CCDC141: variants seen among roughly 807,000 people sequenced by gnomAD.
CCDC141 encodes coiled-coil domain-containing protein 141.
In CCDC141, 168 loss-of-function variants were observed where a neutral mutation model predicts 181.0. The ratio of observed to expected loss-of-function variants is 0.93; its 90% confidence interval spans 0.82 to 1.05. The LOEUF (loss-of-function observed/expected upper bound fraction) is 1.05, where lower values mean the gene tolerates loss of function less well. Among genes scored for constraint, CCDC141 ranks in the 50% least tolerant of loss-of-function variants. CCDC141 has a pLI of 0.00. For synonymous variants in CCDC141, 666 were observed against 642.3 expected, an observed-to-expected ratio of 1.04 and a Z score of -0.56; for missense variants, 1,902 against 1,788.5, an observed-to-expected ratio of 1.06 and a Z score of -1.14.
chr2:179,039,080 T>A (rs2043223188), intron 2 of CCDC141, among the ~76,000 whole-genome samples: 1 of 152,214 alleles, frequency 6.6e-6, no homozygotes, highest in African/African-American at 2.4e-5. Context: ...TTCTTTTTCA[T>A]TATAAATGAC....
chr2:178,941,583 A>G (rs970649567), intron 6 of CCDC141, among the ~76,000 whole-genome samples: 3 of 152,118 alleles, frequency 2.0e-5, no homozygotes, highest in African/African-American at 7.2e-5. Flanking sequence ...TGGAAGGAAA[A>G]TCTTACATTG....
intron 17 of CCDC141, among the ~76,000 whole-genome samples, chr2:178,860,985 A>G (rs1170665099): frequency 6.6e-6 from 1 of 152,230 alleles, no homozygotes; most frequent in Non-Finnish European, 1.5e-5. Flanking sequence ...GTTAAACACC[A>G]AAATGTTAAC....
chr2:178,972,058 G>T (rs1349347225), intron 4 of CCDC141, among the ~76,000 whole-genome samples: 2 of 151,052 alleles, frequency 1.3e-5, no homozygotes, highest in East Asian at 3.9e-4. Context: ...ATGTACCCCA[G>T]AACTTAAAAT....
chr2:178,912,719 A>C (rs192701812), intron 7 of CCDC141, among the ~76,000 whole-genome samples: 41 of 152,296 alleles, frequency 2.7e-4, no homozygotes, highest in Admixed American at 2.3e-3. Flanking sequence ...TTCAGCATAA[A>C]ATAGAAACTC....
At chr2:178,884,033 A>G (rs769211423) in intron 11 of CCDC141, among the ~76,000 whole-genome samples, 16 of 152,172 alleles carry the variant, frequency 1.1e-4, no homozygotes, top group Non-Finnish European at 2.1e-4. Context: ...AAAAAGATCC[A>G]TGGTTTAGAA....
At chr2:178,915,083 G>A (rs1688382712) in intron 7 of CCDC141, among the ~76,000 whole-genome samples, 1 of 151,988 alleles carries the variant, frequency 6.6e-6, no homozygotes, top group South Asian at 2.1e-4. Flanking sequence ...TGAGGTGAGA[G>A]GATTACCTGA....
intron 2 of CCDC141, among the ~76,000 whole-genome samples, chr2:178,988,495 A>T (rs1691869791): frequency 6.7e-6 from 1 of 149,806 alleles, no homozygotes; most frequent in Non-Finnish European, 1.5e-5. Context: ...ATAAAAAAAA[A>T]GAAATTGAAG....
rs147696117 is a variant in CCDC141, at chr2:179,003,307, T to C, written c.226-24632A>G. Among the ~76,000 whole-genome samples, 5 of 152,312 alleles carry C rather than the reference T, an allele frequency of 3.3e-5. No homozygotes were observed. In the East Asian group the frequency reaches 9.6e-4, roughly 29 times the overall value. On this transcript the variant is annotated intron_variant, in intron 2 of 23. Coordinates refer to ENST00000443758, the MANE Select transcript of CCDC141 (RefSeq NM_173648.4). ...TGGCCACATTGTGAAATAAACCTCC[T>C]GTCAAAGCATGGCATGCAGCGTAAC...
chr2:178,917,988 C>T (rs1423988123), intron 7 of CCDC141, among the ~76,000 whole-genome samples: 1 of 152,140 alleles, frequency 6.6e-6, no homozygotes, highest in Non-Finnish European at 1.5e-5. Flanking sequence ...TAAAAGGAGG[C>T]CTTCGGTAAA....
chr2:179,030,696 C>T (rs190240211), intron 2 of CCDC141, among the ~76,000 whole-genome samples: 2 of 152,082 alleles, frequency 1.3e-5, no homozygotes, highest in African/African-American at 2.4e-5. Flanking sequence ...ATAGTTACTA[C>T]ATACATATAC....
intron 5 of CCDC141, among the ~76,000 whole-genome samples, chr2:178,950,913 C>T (rs1333268829): frequency 1.3e-5 from 2 of 152,104 alleles, no homozygotes; most frequent in South Asian, 2.1e-4. Context: ...TTTCTCTTCT[C>T]ACGTCTATAT....
Position 179,047,322 on chromosome 2 carries a change from G to C in CCDC141, c.187C>G (p.Leu63Val). Residue 63 changes from leucine to valine, a missense_variant, in exon 2 of 24, where the codon CTT (leucine) becomes GTT (valine). Transcript: ENST00000443758. ...IGSSQDETKK[L>V]LHDHELLLAK... ...AAAAGAAGTTCATGATCATGAAGAAGTTTTTTGGTTTCATCTTGACTGCTG... is the reference window on the plus strand; with the variant it reads ...AAAAGAAGTTCATGATCATGAAGAACTTTTTTGGTTTCATCTTGACTGCTG... The C allele has an allele frequency of 1.3e-6, 2 of 1,543,790 alleles. No individual in the cohort carries two copies. The highest frequency in any genetic ancestry group is 1.7e-6 in the Non-Finnish European group (2 of 1,145,250).
intron 2 of CCDC141, among the ~76,000 whole-genome samples, chr2:179,024,156 C>G (rs1045503325): frequency 6.6e-6 from 1 of 152,206 alleles, no homozygotes; most frequent in Non-Finnish European, 1.5e-5. Flanking sequence ...GAAAAACTAA[C>G]AGCATTAATT....
At chr2:178,955,888 A>T (rs1690142778) in intron 5 of CCDC141, among the ~76,000 whole-genome samples, 1 of 152,220 alleles carries the variant, frequency 6.6e-6, no homozygotes, top group Non-Finnish European at 1.5e-5. Flanking sequence ...ATTTTATCAC[A>T]TCCTGTGAAC....
intron 2 of CCDC141, among the ~76,000 whole-genome samples, chr2:178,986,605 C>T (rs1335838767): frequency 6.6e-6 from 1 of 151,136 alleles, no homozygotes; most frequent in African/African-American, 2.4e-5. Flanking sequence ...AGCTGATAAG[C>T]AACTTCAGCA....
chr2:178,956,621 T>C (rs1035858842), intron 5 of CCDC141, among the ~76,000 whole-genome samples: 1 of 152,194 alleles, frequency 6.6e-6, no homozygotes, highest in Non-Finnish European at 1.5e-5. Context: ...AAATTTTATA[T>C]TTAAGGAAAT....
intron 2 of CCDC141, among the ~76,000 whole-genome samples, chr2:179,000,458 T>G (rs1292537786): frequency 6.6e-6 from 1 of 152,186 alleles, no homozygotes; most frequent in Non-Finnish European, 1.5e-5. Flanking sequence ...CCTAAAATAT[T>G]CACCATCTGA....
At chr2:179,012,067 A>G (rs2042285090) in intron 2 of CCDC141, among the ~76,000 whole-genome samples, 1 of 152,190 alleles carries the variant, frequency 6.6e-6, no homozygotes. Flanking sequence ...AAGGAACTAT[A>G]GAAACAAGAA....
At chr2:178,945,972 A>T (rs1689716095) in intron 5 of CCDC141, among the ~76,000 whole-genome samples, 2 of 152,178 alleles carry the variant, frequency 1.3e-5, no homozygotes, top group Non-Finnish European at 2.9e-5. Flanking sequence ...ACCAACTCTT[A>T]GTATTTCTCA....
Sources: gnomAD v4.1 joint callset for allele counts (sites outside exome capture counted in the v4.1 genomes callset) on GRCh38, gnomAD v4.1.1 for gene constraint, MANE v1.5 for transcripts, NCBI Gene and HGNC (gene_info 2026-07-23, HGNC 2026-07-21) for gene names.